FMNL2: variants seen among roughly 807,000 people sequenced by gnomAD.
FMNL2 encodes formin-like protein 2.
In FMNL2, 51 loss-of-function variants were observed where a neutral mutation model predicts 130.2. The observed-to-expected ratio is 0.39, with a 90% CI of 0.31 to 0.49. The LOEUF (loss-of-function observed/expected upper bound fraction) is 0.49, where lower values mean the gene tolerates loss of function less well. FMNL2 is among the 20% of genes least tolerant of loss of function. The pLI, the probability that FMNL2 is intolerant of heterozygous loss-of-function variation, is 0.85. For missense variants in FMNL2, 977 were observed against 1,316.2 expected, an observed-to-expected ratio of 0.74 and a Z score of 3.99; for synonymous variants, 465 against 467.1, an observed-to-expected ratio of 1.00 and a Z score of 0.06.
intron 1 of FMNL2, among the ~76,000 whole-genome samples, chr2:152,421,155 A>C (rs1405256952): frequency 6.6e-6 from 1 of 151,312 alleles, no homozygotes; most frequent in Non-Finnish European, 1.5e-5. Context: ...TTTTCTTGTC[A>C]GTGGGTACAA....
chr2:152,388,082 C>T (rs149003622), intron 1 of FMNL2, among the ~76,000 whole-genome samples: 6 of 152,240 alleles, frequency 3.9e-5, no homozygotes, highest in African/African-American at 9.6e-5. Context: ...GACAAAGATT[C>T]TTAGAAATTC....
chr2:152,398,209 C>G (rs1685503802), intron 1 of FMNL2, among the ~76,000 whole-genome samples: 1 of 152,164 alleles, frequency 6.6e-6, no homozygotes, highest in East Asian at 1.9e-4. Flanking sequence ...GTTGTATCCC[C>G]CAGGCTATGT....
At chr2:152,605,791 G>C (rs985482117) in intron 9 of FMNL2, among the ~76,000 whole-genome samples, 10 of 152,178 alleles carry the variant, frequency 6.6e-5, no homozygotes, top group African/African-American at 2.2e-4. Flanking sequence ...GAGACTAGGA[G>C]GCCCTCAGAG....
intron 1 of FMNL2, among the ~76,000 whole-genome samples, chr2:152,395,783 TG>T (rs1685358426): frequency 6.6e-6 from 1 of 151,986 alleles, no homozygotes; most frequent in Non-Finnish European, 1.5e-5. Context: ...GTTTGTTCTT[TG>T]GATAATTGGC....
chr2:152,529,398 T>G (rs1693571845), intron 2 of FMNL2, among the ~76,000 whole-genome samples: 1 of 152,170 alleles, frequency 6.6e-6, no homozygotes, highest in East Asian at 1.9e-4. Flanking sequence ...TTTTGTATCT[T>G]TGCTACTTTC....
chr2:152,612,399 G>A (rs2105870104), intron 11 of FMNL2, among the ~76,000 whole-genome samples: 1 of 152,174 alleles, frequency 6.6e-6, no homozygotes, highest in South Asian at 2.1e-4. Context: ...ATGTGCCCGT[G>A]GCCCCAGCTG....
chr2:152,629,891 C>A lies in FMNL2; in HGVS notation c.2536C>A (p.Gln846Lys). 1 of 1,609,080 alleles carries A rather than the reference C, an allele frequency of 6.2e-7. No individual in the cohort carries two copies. The highest frequency in any genetic ancestry group is 8.5e-7 in the Non-Finnish European group (1 of 1,177,528). Residue 846 changes from glutamine to lysine, a missense_variant, in exon 20 of 26, where the codon CAG (glutamine) becomes AAG (lysine). Physicochemically the swap from Gln to Lys is moderately conservative, Grantham distance 53 (BLOSUM62 1). Around this residue, in one of 4 missense-constraint regions of FMNL2, gnomAD observed 689 missense variants for 995.9 expected, o/e 0.69. Transcript: ENST00000288670. ...KRGAVYGFKL[Q>K]SLDLLLDTKS... The stretch of plus-strand genomic sequence containing the variant: ...AGGAGCAGTTTATGGATTTAAACTT[C>A]AGAGTTTAGATCTGGTGAGTGGACT...
intron 1 of FMNL2, among the ~76,000 whole-genome samples, chr2:152,437,327 T>C (rs1558863060): frequency 6.6e-6 from 1 of 152,188 alleles, no homozygotes; most frequent in Non-Finnish European, 1.5e-5. Flanking sequence ...GGAGCAAATA[T>C]ACCTCTTGGG....
chr2:152,553,725 AAT>A (rs1052575573), intron 4 of FMNL2, among the ~76,000 whole-genome samples: 1 of 151,568 alleles, frequency 6.6e-6, no homozygotes, highest in Non-Finnish European at 1.5e-5. Flanking sequence ...ATACATATAA[AAT>A]AAATGTTATG....
chr2:152,443,036 G>T (rs556220669), intron 1 of FMNL2, among the ~76,000 whole-genome samples: 54 of 152,296 alleles, frequency 3.5e-4, no homozygotes, highest in African/African-American at 1.1e-3. Context: ...CAGGGCAAAT[G>T]ACCTGAAAAA....
At chr2:152,524,357 A>G (rs1483896960) in intron 2 of FMNL2, among the ~76,000 whole-genome samples, 1 of 152,136 alleles carries the variant, frequency 6.6e-6, no homozygotes, top group African/African-American at 2.4e-5. Flanking sequence ...CTGAGCTTCT[A>G]GTGGGTCTCA....
At chr2:152,605,286 G>A (rs1348410282) in intron 9 of FMNL2, among the ~76,000 whole-genome samples, 4 of 151,620 alleles carry the variant, frequency 2.6e-5, no homozygotes, top group East Asian at 1.9e-4. Flanking sequence ...GACTGGTCAT[G>A]TGTGTGCGTC....
intron 1 of FMNL2, among the ~76,000 whole-genome samples, chr2:152,378,796 A>G (rs1030186006): frequency 2.6e-5 from 4 of 152,052 alleles, no homozygotes; most frequent in Non-Finnish European, 5.9e-5. Context: ...GTTACACAAC[A>G]TCTGTATTAT....
intron 1 of FMNL2, among the ~76,000 whole-genome samples, chr2:152,493,348 A>G (rs1691319064): frequency 2.0e-5 from 3 of 152,244 alleles, no homozygotes; most frequent in South Asian, 2.1e-4. Context: ...TGAAAAGGAA[A>G]GATACTGATT....
intron 1 of FMNL2, among the ~76,000 whole-genome samples, chr2:152,486,026 TG>T (rs1690806277): frequency 6.6e-6 from 1 of 152,200 alleles, no homozygotes; most frequent in African/African-American, 2.4e-5. Flanking sequence ...CTTGATTTCA[TG>T]GAAAGGACCA....
intron 1 of FMNL2, among the ~76,000 whole-genome samples, chr2:152,397,576 G>A (rs953916666): frequency 6.6e-6 from 1 of 152,146 alleles, no homozygotes; most frequent in African/African-American, 2.4e-5. Context: ...GAGTTTCCTG[G>A]CTAAGACAGG....
At chr2:152,516,663 G>A (rs1692786802) in intron 1 of FMNL2, among the ~76,000 whole-genome samples, 1 of 152,032 alleles carries the variant, frequency 6.6e-6, no homozygotes, top group Non-Finnish European at 1.5e-5. Flanking sequence ...GAGAATATTT[G>A]GGTAAAAGAA....
In FMNL2 at chr2:152,628,553, C is replaced by T. The variant is rs1236573193; in HGVS notation, c.2400+20C>T. 6.3e-7 allele frequency: 1 copy of T among 1,593,524 alleles called. No homozygotes were observed. The highest frequency in any genetic ancestry group is 8.6e-7 in the Non-Finnish European group (1 of 1,161,566). ...ACTCCTGTGAGTGGACTGACTCTGG[C>T]AGGGGAGGGGGTCCAAAGAAATGTG... On this transcript the variant is annotated intron_variant, in intron 18 of 25. Transcript: ENST00000288670.
intron 1 of FMNL2, among the ~76,000 whole-genome samples, chr2:152,418,991 T>A (rs62854962): frequency 1.5e-5 from 2 of 136,402 alleles, no homozygotes; most frequent in African/African-American, 5.3e-5. Context: ...TTTTTTTTTT[T>A]AATAATAGTC....
Sources: gnomAD v4.1 joint callset for allele counts (sites outside exome capture counted in the v4.1 genomes callset) on GRCh38, gnomAD v4.1.1 for gene constraint, gnomAD v4.1.1 regional missense constraint, MANE v1.5 for transcripts, NCBI Gene and HGNC (gene_info 2026-07-23, HGNC 2026-07-21) for gene names.